Variants in PDK3 observed in about 807,000 individuals in gnomAD.
The protein encoded by PDK3 is pyruvate dehydrogenase kinase, isozyme 3.
A neutral mutation model predicts 32.0 loss-of-function variants in PDK3; 12 were observed. That is an observed-to-expected ratio of 0.37 (90% CI 0.24 to 0.61). PDK3 has a LOEUF of 0.61. Among genes scored for constraint, PDK3 ranks in the 20% least tolerant of loss-of-function variants. PDK3 has a pLI of 0.65. For missense variants in PDK3, 188 were observed against 316.9 expected, an observed-to-expected ratio of 0.59 and a Z score of 3.09; for synonymous variants, 122 against 116.3, an observed-to-expected ratio of 1.05 and a Z score of -0.31.
chrX:24,548,132 A>G (rs1038320279), exon 12 of PDK3: 2 of 112,315 alleles, frequency 1.8e-5, no homozygotes, highest in Non-Finnish European at 3.8e-5. Flanking sequence ...TTGTTAGTTC[A>G]TATGTAAATT....
In PDK3 at chrX:24,492,519, G is replaced by A. The variant is rs751720789; in HGVS notation, c.107-2223G>A. ...CACGAGAGCCGCTTGAACCTGGGGG[G>A]TGGAGGTTGCAGTAAGCGGAGATCA... On this transcript the variant is annotated intron_variant, in intron 1 of 10. Transcript: ENST00000379162. Among the ~76,000 whole-genome samples, 39 of 111,527 alleles carry A rather than the reference G, an allele frequency of 3.5e-4. 1 individual carries two copies. The highest frequency in any genetic ancestry group is 6.6e-4 in the Non-Finnish European group (35 of 53,118).
At chrX:24,498,744 C>T (rs1921777703) in intron 2 of PDK3, 85 bp from the exon 3 acceptor site, 16 of 517,178 alleles carry the variant, frequency 3.1e-5, no homozygotes, top group Non-Finnish European at 4.5e-5. Flanking sequence ...TTGGAGTGTT[C>T]TTAGGAAGAG....
chrX:24,467,831 C>T (rs906809786), intron 1 of PDK3, among the ~76,000 whole-genome samples: 2 of 111,882 alleles, frequency 1.8e-5, no homozygotes, highest in East Asian at 5.6e-4. Flanking sequence ...GCACTTAAAG[C>T]ACCAGGTAGT....
chrX:24,534,348 C>T lies in PDK3; in HGVS notation c.*276C>T, dbSNP rs1004142078. The T allele has an allele frequency of 4.6e-6, 2 of 434,844 alleles. No homozygotes were observed. Among genetic ancestry groups the T allele is most frequent in the Admixed American group, 1.2e-4 (2 of 16,398 alleles). 35.8% of individuals were successfully genotyped at this position (434,844 alleles called of 1,213,427 possible). A position where few individuals can be genotyped will look rare whatever the true frequency, so the allele number is the denominator to read the frequency against. On this transcript the variant is annotated 3_prime_UTR_variant, in exon 11 of 11. Coordinates refer to ENST00000379162, the MANE Select transcript of PDK3 (RefSeq NM_005391.5). ...TTTGGCCTTAAAAAGGAAGGACATT[C>T]TGATATGTGCTGCAACATGGGTGAA...
chrX:24,516,861 T>TCTCAG (rs1195033114), intron 5 of PDK3, among the ~76,000 whole-genome samples: 8 of 108,523 alleles, frequency 7.4e-5, no homozygotes, highest in Non-Finnish European at 1.3e-4. Flanking sequence ...AGTGGTGTGA[T>TCTCAG]CTCAGCTCAC....
At position 24,498,884 on chromosome X, in the gene PDK3, C is replaced by A; in HGVS notation, c.304C>A (p.Pro102Thr). 8.8e-7 allele frequency: 1 copy of A among 1,139,215 alleles called. No homozygotes were observed. Among genetic ancestry groups the A allele is most frequent in the Non-Finnish European group, 1.2e-6 (1 of 844,699 alleles). The allele number at this position is 1,139,215 out of a possible 1,213,427, so 93.9% of individuals were successfully genotyped here. The change falls in exon 3 of 11, where the codon CCA becomes ACA. Residue 102 changes from proline to threonine, a missense_variant. Transcript: ENST00000379162. ...LEYENKSPEDPQVLDNFLQVL... is the reference protein window; with the variant it reads ...LEYENKSPEDTQVLDNFLQVL... ...ATATGAAAATAAGAGCCCTGAGGAT[C>A]CACAGGTCTTGGATAAGTAAGTATG...
At chrX:24,509,524 G>A (rs779860267) in intron 5 of PDK3, among the ~76,000 whole-genome samples, 3 of 110,025 alleles carry the variant, frequency 2.7e-5, no homozygotes, top group Non-Finnish European at 5.7e-5. Flanking sequence ...ACACACACAC[G>A]CATGGACATG....
intron 1 of PDK3, among the ~76,000 whole-genome samples, chrX:24,492,927 G>A (rs762077438): frequency 9.2e-6 from 1 of 108,565 alleles, no homozygotes; most frequent in South Asian, 4.1e-4. Flanking sequence ...TTGAACCCAG[G>A]AGGCGGAGGT....
exon 12 of PDK3, among the ~76,000 whole-genome samples, chrX:24,541,411 A>G (rs1922892619): frequency 1.8e-5 from 2 of 111,372 alleles, no homozygotes; most frequent in Non-Finnish European, 3.8e-5. Context: ...AAGCAGTACC[A>G]TGTAAGGGGC....
rs755114413 is a variant in PDK3 at position 24,484,834 on chromosome X, C to A, written c.107-9908C>A. Reference sequence around the variant, plus strand: ...ATTTGCTTTATTTTTCCCTCTCCATCCATCCCTATTCCTCTCTCTCTCTCT... The same window carrying A: ...ATTTGCTTTATTTTTCCCTCTCCATACATCCCTATTCCTCTCTCTCTCTCT... On this transcript the variant is annotated intron_variant, in intron 1 of 10. Coordinates refer to ENST00000379162, the MANE Select transcript of PDK3 (RefSeq NM_005391.5). Among the ~76,000 whole-genome samples the A allele has an allele frequency of 3.7e-5, 4 of 109,387 alleles. No homozygotes were observed. The East Asian group carries it at 8.7e-4, about 24-fold the overall frequency. 95.0% of individuals were successfully genotyped at this position (109,387 alleles called of 115,157 possible). A position where few individuals can be genotyped will look rare whatever the true frequency, so the allele number is the denominator to read the frequency against.
chrX:24,476,335 C>T (rs1230830495), intron 1 of PDK3, among the ~76,000 whole-genome samples: 1 of 112,182 alleles, frequency 8.9e-6, no homozygotes, highest in African/African-American at 3.2e-5. Flanking sequence ...GAATTTGCCT[C>T]ACCTTGAACA....
chrX:24,500,105 A>G (rs1921816421), intron 3 of PDK3, among the ~76,000 whole-genome samples: 1 of 111,569 alleles, frequency 9.0e-6, no homozygotes, highest in Admixed American at 9.5e-5. Flanking sequence ...AAATTTGTAG[A>G]AGTATAGTTG....
intron 2 of PDK3, 89 bp downstream of exon 2, chrX:24,494,972 T>C (rs1318731247): frequency 5.1e-6 from 4 of 783,366 alleles, no homozygotes; most frequent in Non-Finnish European, 7.5e-6. Context: ...GTGCACATAC[T>C]GCCCGTCTAG....
intron 1 of PDK3, among the ~76,000 whole-genome samples, chrX:24,482,268 G>GGT (rs1372943462): frequency 2.7e-5 from 3 of 111,608 alleles, no homozygotes; most frequent in Admixed American, 9.5e-5. Flanking sequence ...TGGAGTGCGT[G>GGT]GTGTGATCTT....
intron 5 of PDK3, among the ~76,000 whole-genome samples, chrX:24,515,434 T>C (rs762645451): frequency 9.9e-4 from 111 of 112,655 alleles, no homozygotes; most frequent in African/African-American, 3.5e-3. Context: ...GGCAAGCGAA[T>C]TCCATGAGGA....
intron 6 of PDK3, among the ~76,000 whole-genome samples, chrX:24,523,612 G>C (rs1922451012): frequency 8.9e-6 from 1 of 112,559 alleles, no homozygotes; most frequent in African/African-American, 3.2e-5. Flanking sequence ...ACGGGAGGCA[G>C]CTGTACTCTG....
rs775948695 is a variant in PDK3, at chrX:24,534,004, G to A, written c.1153G>A (p.Glu385Lys). The change falls in exon 11 of 11, where the codon GAA (glutamate) becomes AAA (lysine). Residue 385 changes from glutamate to lysine, a missense_variant. Transcript: ENST00000379162. Reference protein sequence around the residue: ...SAWRHYKTTPEADDWSNPSSE... With the variant: ...SAWRHYKTTPKADDWSNPSSE... ...ATGGCGCCATTACAAGACCACGCCT[G>A]AAGCCGATGATTGGAGCAATCCCAG... 1 of 1,210,620 alleles carries A rather than the reference G, an allele frequency of 8.3e-7. No homozygotes were observed. The highest frequency in any genetic ancestry group is 1.1e-6 in the Non-Finnish European group (1 of 894,891).
chrX:24,479,739 C>T lies in PDK3; in HGVS notation c.106+14178C>T, dbSNP rs764358536. Among the ~76,000 whole-genome samples, 105 of 109,954 alleles carry T rather than the reference C, an allele frequency of 9.5e-4. 2 individuals are homozygous for T. The Admixed American group carries it at 0.01, about 11-fold the overall frequency. On this transcript the variant is annotated intron_variant, in intron 1 of 10. Transcript: ENST00000379162. Reference sequence around the variant, plus strand: ...GGCAGAGGTTGCAGTGAACCGAGGTCGCGCCACTGCACTCCAGCTTGGGCG... The same window carrying T: ...GGCAGAGGTTGCAGTGAACCGAGGTTGCGCCACTGCACTCCAGCTTGGGCG...
chrX:24,539,339 T>C (rs892033251), downstream of PDK3: 1 of 413,421 alleles, frequency 2.4e-6, no homozygotes, highest in Non-Finnish European at 4.3e-6. Context: ...CTGTAGCTAC[T>C]CCAGATCTTC....
Sources: allele counts gnomAD v4.1 joint callset (sites outside exome capture counted in the v4.1 genomes callset), GRCh38; gene constraint gnomAD v4.1.1; transcripts MANE v1.5; gene names NCBI Gene and HGNC (gene_info 2026-07-23, HGNC 2026-07-21).